WWTR1: variants seen among roughly 807,000 people sequenced by gnomAD.
WWTR1 encodes WW domain containing transcription regulator 1, also known as WW domain-containing transcription regulator protein 1.
A neutral mutation model predicts 40.1 loss-of-function variants in WWTR1; 13 were observed. That is an observed-to-expected ratio of 0.32 (90% CI 0.21 to 0.52). The LOEUF (loss-of-function observed/expected upper bound fraction) is 0.52. WWTR1 is among the 20% of genes least tolerant of loss of function. The pLI is 0.97. For synonymous variants in WWTR1, 230 were observed against 210.1 expected (o/e 1.09, Z -0.82); for missense variants, 436 against 523.1 (o/e 0.83, Z 1.63).
intron 5 of WWTR1, 139 bp downstream of exon 5, chr3:149,527,697 C>G (rs1735385163): frequency 7.9e-7 from 1 of 1,266,464 alleles, no homozygotes; most frequent in Admixed American, 2.4e-5. Flanking sequence ...TTTCTGCCAG[C>G]TCCTCCCACT....
At chr3:149,584,232 T>C (rs888234336) in intron 2 of WWTR1, among the ~76,000 whole-genome samples, 7 of 152,214 alleles carry the variant, frequency 4.6e-5, no homozygotes, top group African/African-American at 1.7e-4. Flanking sequence ...GCCAAGTGAA[T>C]TAAATGTCAC....
chr3:149,537,809 C>T lies in WWTR1; in HGVS notation c.771+4526G>A, dbSNP rs59214416. 8.0e-3 allele frequency among the ~76,000 whole-genome samples: 1,225 copies of T among 152,314 alleles called. 15 individuals are homozygous for T. The highest frequency in any genetic ancestry group is 0.028 in the African/African-American group (1,182 of 41,570). ...CCATAGTTTTGCTTTTCCAGAACGTCACATAAATGGAATCATACAGGATGT... is the reference window on the plus strand; with the variant it reads ...CCATAGTTTTGCTTTTCCAGAACGTTACATAAATGGAATCATACAGGATGT... On this transcript the variant is annotated intron_variant, in intron 4 of 6. Transcript: ENST00000360632.
At chr3:149,670,006 G>A (rs1281271140) in intron 1 of WWTR1, 1 of 152,316 alleles carries the variant, frequency 6.6e-6, no homozygotes, top group Non-Finnish European at 1.5e-5. Context: ...GCCAGGAAAA[G>A]TCTCAGCCCC....
At position 149,631,419 on chromosome 3, in the gene WWTR1, A is replaced by G. The variant is rs1474384727; in HGVS notation, c.431+25457T>C. Reference sequence around the variant, plus strand: ...AATCAGTTCTGAAACACCACTCTCCAAGCAAAGTTTGGATCAAATTAACAT... The same window carrying G: ...AATCAGTTCTGAAACACCACTCTCCGAGCAAAGTTTGGATCAAATTAACAT... On this transcript the variant is annotated intron_variant, in intron 2 of 6. Transcript: ENST00000360632. Among the ~76,000 whole-genome samples the G allele has an allele frequency of 4.6e-5, 7 of 152,172 alleles. No individual in the cohort carries two copies. The South Asian group carries it at 1.2e-3, about 27-fold the overall frequency.
chr3:149,556,063 T>C (rs1009427979), intron 3 of WWTR1, among the ~76,000 whole-genome samples: 8 of 152,198 alleles, frequency 5.3e-5, no homozygotes, highest in African/African-American at 1.9e-4. Context: ...GAGCAGCCCA[T>C]GTGGCTGAGG....
intron 1 of WWTR1, chr3:149,702,063 C>CA (rs550708809): frequency 0.035 from 4,842 of 139,574 alleles, 103 homozygotes; most frequent in South Asian, 0.11. Flanking sequence ...GCAGATGTAA[C>CA]AAAAAAAAAA....
intron 4 of WWTR1, among the ~76,000 whole-genome samples, chr3:149,541,453 A>T (rs1736098619): frequency 6.6e-6 from 1 of 152,238 alleles, no homozygotes; most frequent in Non-Finnish European, 1.5e-5. Flanking sequence ...ATGCCCAGGC[A>T]GTTTTGCAGA....
intron 5 of WWTR1, among the ~76,000 whole-genome samples, chr3:149,527,552 C>T (rs1012653532): frequency 1.3e-5 from 2 of 152,200 alleles, no homozygotes; most frequent in Admixed American, 6.5e-5. Flanking sequence ...AAGTACTAGA[C>T]GACACCATCA....
chr3:149,640,198 C>T lies in WWTR1; in HGVS notation c.431+16678G>A, dbSNP rs536176640. Among the ~76,000 whole-genome samples, 10 of 152,192 alleles carry T rather than the reference C, an allele frequency of 6.6e-5. No homozygotes were observed. In the South Asian group the frequency reaches 2.1e-3, roughly 32 times the overall value. On this transcript the variant is annotated intron_variant, in intron 2 of 6. Transcript: ENST00000360632. The stretch of plus-strand genomic sequence containing the variant: ...CTTCCCCACTGTATTCAGATAAATG[C>T]CTCTCTACCAGTGTCAACAATTTTA...
chr3:149,623,682 T>C (rs1044518419), intron 2 of WWTR1, among the ~76,000 whole-genome samples: 1 of 152,244 alleles, frequency 6.6e-6, no homozygotes, highest in Non-Finnish European at 1.5e-5. Context: ...TGTAAATCTG[T>C]ATAAGTGGAA....
chr3:149,527,683 CT>C (rs767845203), intron 5 of WWTR1, among the ~76,000 whole-genome samples, 152 bp downstream of exon 5: 1 of 152,166 alleles, frequency 6.6e-6, no homozygotes, highest in South Asian at 2.1e-4. Flanking sequence ...CCCTGCTTTT[CT>C]TTTTTCTGCC....
intron 2 of WWTR1, among the ~76,000 whole-genome samples, chr3:149,601,619 T>TA (rs1476613201): frequency 1.3e-5 from 2 of 152,066 alleles, no homozygotes; most frequent in Admixed American, 6.6e-5. Context: ...AAAACCAACC[T>TA]AAAAAACCCA....
At chr3:149,705,541 G>T (rs539376497), upstream of WWTR1, among the ~76,000 whole-genome samples, 1 of 152,152 alleles carries the variant, frequency 6.6e-6, no homozygotes, top group Non-Finnish European at 1.5e-5. Flanking sequence ...TAACACTTAG[G>T]GGGAGAAACC....
At chr3:149,605,756 C>T (rs577970792) in intron 2 of WWTR1, among the ~76,000 whole-genome samples, 1 of 152,252 alleles carries the variant, frequency 6.6e-6, no homozygotes, top group African/African-American at 2.4e-5. Flanking sequence ...CCTCAAGCCC[C>T]AGCCACCCCA....
chr3:149,655,083 G>A (rs1363366759), intron 2 of WWTR1, among the ~76,000 whole-genome samples: 4 of 150,712 alleles, frequency 2.7e-5, no homozygotes, highest in African/African-American at 7.3e-5. Flanking sequence ...CCTAGATCGC[G>A]CCACTGCACT....
intron 2 of WWTR1, among the ~76,000 whole-genome samples, chr3:149,585,396 A>G (rs985051486): frequency 5.9e-5 from 9 of 152,144 alleles, no homozygotes; most frequent in Non-Finnish European, 1.0e-4. Flanking sequence ...CGGCCTCCCA[A>G]AGTGCTGGGA....
chr3:149,575,561 C>T (rs147384759), intron 2 of WWTR1, among the ~76,000 whole-genome samples: 4 of 152,248 alleles, frequency 2.6e-5, no homozygotes, highest in Non-Finnish European at 4.4e-5. Context: ...GCACAGGCCC[C>T]GGTGAGATGT....
intron 3 of WWTR1, among the ~76,000 whole-genome samples, chr3:149,558,888 C>A (rs1036086995): frequency 4.6e-5 from 7 of 152,142 alleles, no homozygotes; most frequent in African/African-American, 1.7e-4. Context: ...ACAAAAATAG[C>A]CACAAAGGAC....
chr3:149,526,999 C>A (rs10935766), intron 5 of WWTR1, among the ~76,000 whole-genome samples: 120,665 of 152,128 alleles, frequency 0.79, 47,977 homozygotes, highest in South Asian at 0.87. Flanking sequence ...GAGTACAGAG[C>A]GTTCCCATGT....
Sources: allele counts gnomAD v4.1 joint callset (sites outside exome capture counted in the v4.1 genomes callset), GRCh38; gene constraint gnomAD v4.1.1; transcripts MANE v1.5; gene names NCBI Gene and HGNC (gene_info 2026-07-23, HGNC 2026-07-21).